The following AKAP13 variants were observed in gnomAD, a reference collection of about 807,000 sequenced individuals.
AKAP13 encodes A-kinase anchor protein 13.
In AKAP13, 80 loss-of-function variants were observed where a neutral mutation model predicts 264.5. The ratio of observed to expected loss-of-function variants is 0.30; its 90% confidence interval spans 0.25 to 0.36. The LOEUF (loss-of-function observed/expected upper bound fraction) is 0.36, where lower values mean the gene tolerates loss of function less well. AKAP13 is among the 10% of genes least tolerant of loss of function. AKAP13 has a pLI of 1.00. For synonymous variants in AKAP13, 1,380 were observed against 1,250.2 expected, an observed-to-expected ratio of 1.10 and a Z score of -2.19; for missense variants, 3,712 against 3,435.2, an observed-to-expected ratio of 1.08 and a Z score of -2.01.
At chr15:85,542,420 G>A (rs992705088) in intron 4 of AKAP13, among the ~76,000 whole-genome samples, 2 of 152,226 alleles carry the variant, frequency 1.3e-5, no homozygotes, top group Non-Finnish European at 2.9e-5. Context: ...TTTGGAAACA[G>A]TGTAATTCAG....
chr15:85,460,805 G>A (rs139121454), intron 1 of AKAP13, among the ~76,000 whole-genome samples: 1 of 152,214 alleles, frequency 6.6e-6, no homozygotes, highest in Admixed American at 6.5e-5. Context: ...AGAGATGCAA[G>A]TGCCCACTAG....
intron 12 of AKAP13, chr15:85,662,317 A>G: frequency 6.5e-7 from 1 of 1,531,204 alleles, no homozygotes; most frequent in Non-Finnish European, 9.0e-7. Flanking sequence ...TCGTTTTTAA[A>G]CCTAATAACC....
intron 2 of AKAP13, among the ~76,000 whole-genome samples, chr15:85,487,144 T>C (rs1247850856): frequency 6.6e-6 from 1 of 152,236 alleles, no homozygotes; most frequent in African/African-American, 2.4e-5. Flanking sequence ...AACTATAATC[T>C]AACTTGTTTG....
At chr15:85,576,398 CAG>C (rs2079015937) in intron 6 of AKAP13, among the ~76,000 whole-genome samples, 1 of 151,830 alleles carries the variant, frequency 6.6e-6, no homozygotes, top group Non-Finnish European at 1.5e-5. Flanking sequence ...CTAAAAAAAA[CAG>C]AAAAGATTTT....
Position 85,575,208 on chromosome 15 carries a change from A to G in AKAP13, c.740A>G (p.His247Arg), listed in dbSNP as rs751497778. 11 of 1,614,174 alleles carry G rather than the reference A, an allele frequency of 6.8e-6. No individual in the cohort carries two copies. Among genetic ancestry groups the G allele is most frequent in the East Asian group, 2.2e-5 (1 of 44,876 alleles). Residue 247 changes from histidine to arginine, a missense_variant, in exon 6 of 37, where the codon CAT (histidine) becomes CGT (arginine). Transcript: ENST00000394518. ...IPYGDCSVRHHRELDIYTLTS... is the reference protein window; with the variant it reads ...IPYGDCSVRHRRELDIYTLTS... ...TATGGAGACTGTTCTGTGAGGCATC[A>G]TCGAGAGTTGGACATCTATACATTA...
intron 2 of AKAP13, among the ~76,000 whole-genome samples, chr15:85,496,695 T>C (rs1287158279): frequency 6.6e-6 from 1 of 152,218 alleles, no homozygotes; most frequent in Non-Finnish European, 1.5e-5. Flanking sequence ...TTAGGATACA[T>C]TTTGCTTATA....
In AKAP13 at chr15:85,598,670, G is replaced by T. The variant is rs58513080; in HGVS notation, c.4161+12847G>T. 5.1e-3 allele frequency among the ~76,000 whole-genome samples: 781 copies of T among 152,176 alleles called. 8 individuals carry two copies. The highest frequency in any genetic ancestry group is 0.018 in the African/African-American group (742 of 41,472). ...ATGCCATGGTGGGTAAAATAAGACA[G>T]ATTTCATCCCTCAAGAAGCTCTATT... On this transcript the variant is annotated intron_variant, in intron 8 of 36. Transcript: ENST00000394518.
chr15:85,419,337 C>T (rs2072402602), intron 1 of AKAP13, among the ~76,000 whole-genome samples: 1 of 152,124 alleles, frequency 6.6e-6, no homozygotes. Context: ...ATTATGTTGC[C>T]CCATTTCTAT....
rs1253512130 is a variant in AKAP13, at chr15:85,736,224, T to C, written c.7557+90T>C. On this transcript the variant is annotated intron_variant, in intron 33 of 36. Transcript: ENST00000394518. ...GTTTTTTCCTTTTTTTTTTTTCTTT[T>C]TGCTGTTACAAAGAGGCTAACTGCT... 26 of 1,169,552 alleles carry C rather than the reference T, an allele frequency of 2.2e-5. No individual in the cohort carries two copies. In the East Asian group the frequency reaches 6.0e-4, roughly 27 times the overall value. The allele number at this position is 1,169,552 out of a possible 1,614,324, so 72.4% of individuals were successfully genotyped here.
In AKAP13 at chr15:85,747,472, ACG is replaced by A. The variant is rs1295095432; in HGVS notation, c.*2796_*2797del. The A allele has an allele frequency of 2.6e-5, 4 of 152,644 alleles. No homozygotes were observed. The highest frequency in any genetic ancestry group is 9.7e-5 in the African/African-American group (4 of 41,448). 9.5% of individuals were successfully genotyped at this position (152,644 alleles called of 1,614,324 possible). On this transcript the variant is annotated 3_prime_UTR_variant, in exon 37 of 37. Coordinates refer to ENST00000394518, the MANE Select transcript of AKAP13 (RefSeq NM_007200.5). ...TGTTCTCCATCAAGCTAAAGAAATCACGTGCCTGAAACTGTGCTTAAGTTTTG... is the reference window on the plus strand; with the variant it reads ...TGTTCTCCATCAAGCTAAAGAAATCATGCCTGAAACTGTGCTTAAGTTTTG...
At chr15:85,592,265 G>A (rs924326766) in intron 8 of AKAP13, among the ~76,000 whole-genome samples, 2 of 151,914 alleles carry the variant, frequency 1.3e-5, no homozygotes, top group Non-Finnish European at 2.9e-5. Context: ...GTCTAAAGGG[G>A]GCGAACTTGT....
chr15:85,462,954 G>A (rs1426768249), intron 1 of AKAP13, among the ~76,000 whole-genome samples: 8 of 144,088 alleles, frequency 5.6e-5, no homozygotes, highest in African/African-American at 2.1e-4. Context: ...AACCCGGGAG[G>A]CGGAGCTTGC....
intron 2 of AKAP13, among the ~76,000 whole-genome samples, 196 bp downstream of exon 2, chr15:85,485,949 A>C (rs1023006231): frequency 2.0e-5 from 3 of 152,254 alleles, no homozygotes; most frequent in Non-Finnish European, 4.4e-5. Flanking sequence ...ATGGAAATGA[A>C]AACAAATAAT....
intron 1 of AKAP13, among the ~76,000 whole-genome samples, chr15:85,445,763 T>C (rs1171050030): frequency 6.6e-6 from 1 of 152,216 alleles, no homozygotes; most frequent in Non-Finnish European, 1.5e-5. Context: ...AAATTATTCA[T>C]ATTTTTCTCC....
intron 35 of AKAP13, among the ~76,000 whole-genome samples, chr15:85,742,374 G>A (rs1283232010): frequency 6.6e-6 from 1 of 152,244 alleles, no homozygotes; most frequent in African/African-American, 2.4e-5. Context: ...TCCAGAACAT[G>A]TGGTGCCTGT....
At chr15:85,697,816 A>G (rs1000239562) in intron 17 of AKAP13, among the ~76,000 whole-genome samples, 1 of 152,228 alleles carries the variant, frequency 6.6e-6, no homozygotes, top group Non-Finnish European at 1.5e-5. Flanking sequence ...GCTTCAGTCT[A>G]GAAAGTCTTA....
intron 4 of AKAP13, among the ~76,000 whole-genome samples, chr15:85,539,183 T>G (rs1324695251): frequency 6.6e-6 from 1 of 152,168 alleles, no homozygotes; most frequent in Non-Finnish European, 1.5e-5. Flanking sequence ...AATAACAACA[T>G]ATTTTAAAAC....
intron 1 of AKAP13, among the ~76,000 whole-genome samples, chr15:85,443,495 C>T (rs181640842): frequency 4.7e-4 from 71 of 152,218 alleles, no homozygotes; most frequent in African/African-American, 1.6e-3. Flanking sequence ...TGTGGTGTAT[C>T]AGCATTCCTT....
intron 2 of AKAP13, among the ~76,000 whole-genome samples, chr15:85,503,594 G>C (rs1219533526): frequency 6.6e-6 from 1 of 152,202 alleles, no homozygotes; most frequent in East Asian, 1.9e-4. Context: ...TGCTGGTGCA[G>C]AGATGACGAT....
Sources: allele counts gnomAD v4.1 joint callset (sites outside exome capture counted in the v4.1 genomes callset), GRCh38; gene constraint gnomAD v4.1.1; transcripts MANE v1.5; gene names NCBI Gene and HGNC (gene_info 2026-07-23, HGNC 2026-07-21).